The following FAF1 variants were observed in gnomAD, a reference collection of about 807,000 sequenced individuals.
FAF1 encodes Fas associated factor 1, also known as FAS-associated factor 1.
A neutral mutation model predicts 92.5 loss-of-function variants in FAF1; 25 were observed. The ratio of observed to expected loss-of-function variants is 0.27; its 90% CI spans 0.20 to 0.38. FAF1 has a LOEUF of 0.38. Ranked by LOEUF, FAF1 falls within the 10% of genes least tolerant of loss-of-function variation. FAF1 has a pLI of 1.00. For missense variants in FAF1, 636 were observed against 793.3 expected, an observed-to-expected ratio of 0.80 and a Z score of 2.38; for synonymous variants, 234 against 273.2, an observed-to-expected ratio of 0.86 and a Z score of 1.42.
At chr1:50,849,192 G>A (rs966585910) in intron 2 of FAF1, among the ~76,000 whole-genome samples, 6 of 151,804 alleles carry the variant, frequency 4.0e-5, no homozygotes, top group Non-Finnish European at 7.4e-5. Context: ...GCTTGAACCC[G>A]GGAAGTGGAG....
At chr1:50,517,687 G>C (rs1647270206) in intron 15 of FAF1, among the ~76,000 whole-genome samples, 1 of 152,172 alleles carries the variant, frequency 6.6e-6, no homozygotes, top group African/African-American at 2.4e-5. Context: ...AGGAAAGATT[G>C]TGCAATCCCA....
At chr1:50,724,276 T>TACACACACAC (rs1281878722) in intron 6 of FAF1, among the ~76,000 whole-genome samples, 3 of 114,892 alleles carry the variant, frequency 2.6e-5, no homozygotes, top group South Asian at 2.7e-4. Context: ...TATATACATA[T>TACACACACAC]ACACACACAC....
At chr1:50,754,712 T>G (rs560520419) in intron 4 of FAF1, among the ~76,000 whole-genome samples, 2 of 152,334 alleles carry the variant, frequency 1.3e-5, no homozygotes, top group Non-Finnish European at 2.9e-5. Context: ...ACACTGCTGA[T>G]AAAGATATAC....
intron 18 of FAF1, among the ~76,000 whole-genome samples, chr1:50,454,818 T>G (rs1324044806): frequency 6.6e-6 from 1 of 152,234 alleles, no homozygotes; most frequent in African/African-American, 2.4e-5. Context: ...ATTATTTGTT[T>G]ATGAGTCTGT....
Position 50,701,338 on chromosome 1 carries a change from TCTTA to T in FAF1, c.657+4444_657+4447del, listed in dbSNP as rs747786996. ...ATATGCACATTCTCAGTTACCCTAC[TCTTA>T]CTTCAGTTCTGTGCCAGCAACCCCA... is the stretch of plus-strand genomic sequence containing the variant. On this transcript the variant is annotated intron_variant, in intron 7 of 18. Transcript: ENST00000396153. Among the ~76,000 whole-genome samples the T allele has an allele frequency of 2.4e-4, 36 of 152,048 alleles. No homozygotes were observed. The Middle Eastern group carries it at 0.017, about 72-fold the overall frequency.
chr1:50,675,211 A>G (rs1467772940), intron 7 of FAF1, among the ~76,000 whole-genome samples: 1 of 152,082 alleles, frequency 6.6e-6, no homozygotes, highest in Non-Finnish European at 1.5e-5. Flanking sequence ...ATTTTCAAGT[A>G]AATCTGGTAA....
intron 7 of FAF1, among the ~76,000 whole-genome samples, chr1:50,700,210 C>A (rs1229428718): frequency 6.9e-6 from 1 of 145,704 alleles, no homozygotes; most frequent in Non-Finnish European, 1.5e-5. Context: ...TGCTACAGAG[C>A]AAGCGAGGAG....
intron 1 of FAF1, among the ~76,000 whole-genome samples, chr1:50,896,764 G>A (rs1644760566): frequency 1.3e-5 from 2 of 152,128 alleles, no homozygotes; most frequent in Admixed American, 6.5e-5. Flanking sequence ...AAATAAAATG[G>A]TGACCGTCAG....
intron 2 of FAF1, among the ~76,000 whole-genome samples, chr1:50,819,758 T>C (rs1265331656): frequency 1.1e-5 from 1 of 94,224 alleles, no homozygotes; most frequent in Non-Finnish European, 2.1e-5. Flanking sequence ...TATACATATA[T>C]ATATACGTAT....
intron 13 of FAF1, among the ~76,000 whole-genome samples, chr1:50,544,188 G>C (rs775371006): frequency 6.6e-6 from 1 of 152,144 alleles, no homozygotes; most frequent in African/African-American, 2.4e-5. Context: ...ATGAGTTTCG[G>C]TGGGGATGCT....
In FAF1 at chr1:50,896,266, T is replaced by G. The variant is rs114118335; in HGVS notation, c.46-38269A>C. On this transcript the variant is annotated intron_variant, in intron 1 of 18. Coordinates refer to ENST00000396153, the MANE Select transcript of FAF1 (RefSeq NM_007051.3). ...CACCACTGCACTCCAGCCTGGATGA[T>G]AGAGTGAGACCCTGTCTAAAAAAAA... Among the ~76,000 whole-genome samples the G allele has an allele frequency of 1.9e-3, 284 of 152,154 alleles. 1 individual carries two copies. The highest frequency in any genetic ancestry group is 6.5e-3 in the African/African-American group (270 of 41,536).
chr1:50,942,147 G>A (rs1272840648), intron 1 of FAF1, among the ~76,000 whole-genome samples: 1 of 152,068 alleles, frequency 6.6e-6, no homozygotes, highest in Non-Finnish European at 1.5e-5. Context: ...CAAATTAGAT[G>A]GCATATAACA....
chr1:50,457,040 T>C (rs987070228), intron 18 of FAF1, among the ~76,000 whole-genome samples: 14 of 152,168 alleles, frequency 9.2e-5, no homozygotes, highest in African/African-American at 3.4e-4. Flanking sequence ...TCTCAGTTTT[T>C]TCATCTAGAA....
intron 8 of FAF1, among the ~76,000 whole-genome samples, chr1:50,641,532 G>A (rs1288718408): frequency 6.6e-6 from 1 of 151,980 alleles, no homozygotes; most frequent in Non-Finnish European, 1.5e-5. Context: ...ATTATGTTTG[G>A]TTAGTGATAA....
At chr1:50,787,921 A>G in intron 4 of FAF1, 79 bp downstream of exon 4, 1 of 1,267,532 alleles carries the variant, frequency 7.9e-7, no homozygotes, top group Admixed American at 2.0e-5. Flanking sequence ...CTGGTAGTCA[A>G]CTAGAAATAA....
At chr1:50,693,194 G>C (rs1023792949) in intron 7 of FAF1, among the ~76,000 whole-genome samples, 11 of 152,060 alleles carry the variant, frequency 7.2e-5, no homozygotes, top group Non-Finnish European at 1.6e-4. Flanking sequence ...ATAGTTTTAA[G>C]TCTTAGATTT....
intron 8 of FAF1, among the ~76,000 whole-genome samples, chr1:50,616,205 T>G (rs1220807464): frequency 6.6e-6 from 1 of 152,202 alleles, no homozygotes; most frequent in East Asian, 1.9e-4. Flanking sequence ...TCTGTTCCAT[T>G]GGTCTATGTG....
In FAF1 at chr1:50,534,407, C is replaced by T. The variant is rs139478849; in HGVS notation, c.1494+962G>A. The stretch of plus-strand genomic sequence containing the variant: ...GCGATTATCCTGCCTCTCAGCCTCC[C>T]GAGTAGCTGGGATTACAAGCACATG... On this transcript the variant is annotated intron_variant, in intron 15 of 18. Transcript: ENST00000396153. Among the ~76,000 whole-genome samples the T allele has an allele frequency of 6.6e-5, 10 of 152,048 alleles. 1 individual carries two copies. In the East Asian group the frequency reaches 1.7e-3, roughly 26 times the overall value.
intron 1 of FAF1, among the ~76,000 whole-genome samples, chr1:50,905,282 A>G (rs1270682425): frequency 6.6e-6 from 1 of 152,162 alleles, no homozygotes; most frequent in East Asian, 1.9e-4. Flanking sequence ...AATCCAGTCT[A>G]TCATTGATGG....
Sources: gnomAD v4.1 joint callset for allele counts (sites outside exome capture counted in the v4.1 genomes callset) on GRCh38, gnomAD v4.1.1 for gene constraint, MANE v1.5 for transcripts, NCBI Gene and HGNC (gene_info 2026-07-23, HGNC 2026-07-21) for gene names.